FBXL17: variants seen among roughly 807,000 people sequenced by gnomAD.
The protein encoded by FBXL17 is F-box/LRR-repeat protein 17.
Under a neutral mutation model 66.2 loss-of-function variants are expected in FBXL17, and 22 were observed. The observed-to-expected ratio is 0.33, with a 90% CI of 0.24 to 0.47. The LOEUF is 0.47. Ranked by LOEUF, FBXL17 falls within the 20% of genes least tolerant of loss-of-function variation. The pLI is 1.00. For missense variants in FBXL17, 878 were observed against 948.2 expected, an observed-to-expected ratio of 0.93 and a Z score of 0.97; for synonymous variants, 474 against 400.5, an observed-to-expected ratio of 1.18 and a Z score of -2.19.
At chr5:107,890,422 G>C (rs747481346) in intron 7 of FBXL17, among the ~76,000 whole-genome samples, 1 of 152,018 alleles carries the variant, frequency 6.6e-6, no homozygotes, top group African/African-American at 2.4e-5. Flanking sequence ...TGTACTTTGG[G>C]GGGTCAAGGC....
chr5:107,992,146 G>A (rs1753277531), intron 7 of FBXL17, among the ~76,000 whole-genome samples: 1 of 151,648 alleles, frequency 6.6e-6, no homozygotes, highest in African/African-American at 2.4e-5. Context: ...CTATACAATT[G>A]GGGCAGGTAG....
chr5:108,022,920 C>T (rs539953516), intron 6 of FBXL17, among the ~76,000 whole-genome samples: 18 of 152,108 alleles, frequency 1.2e-4, no homozygotes, highest in African/African-American at 3.9e-4. Context: ...ATCAGGTTTC[C>T]CCGCTATTCA....
intron 7 of FBXL17, among the ~76,000 whole-genome samples, chr5:107,977,646 A>C (rs970613998): frequency 6.6e-6 from 1 of 152,142 alleles, no homozygotes; most frequent in Non-Finnish European, 1.5e-5. Context: ...AAATCTATGG[A>C]CTTTCAATGG....
At position 108,257,714 on chromosome 5, in the gene FBXL17, A is replaced by G. The variant is rs1756633670; in HGVS notation, c.1507-33486T>C. ...AGAAACCAGGAATTCTCATGCCAAAATATGTGCCCAGGTGGACTCAGTCAC... is the reference window on the plus strand; with the variant it reads ...AGAAACCAGGAATTCTCATGCCAAAGTATGTGCCCAGGTGGACTCAGTCAC... On this transcript the variant is annotated intron_variant, in intron 4 of 8. Transcript: ENST00000542267. Among the ~76,000 whole-genome samples the G allele has an allele frequency of 3.9e-5, 6 of 152,202 alleles. No homozygotes were observed. The South Asian group carries it at 1.2e-3, about 32-fold the overall frequency.
intron 6 of FBXL17, among the ~76,000 whole-genome samples, chr5:108,093,794 T>A (rs1255549695): frequency 6.6e-6 from 1 of 152,166 alleles, no homozygotes; most frequent in Non-Finnish European, 1.5e-5. Flanking sequence ...GGGGTGTCTA[T>A]GTTTTATTCT....
chr5:108,065,964 G>C (rs539596206), intron 6 of FBXL17, among the ~76,000 whole-genome samples: 4 of 152,174 alleles, frequency 2.6e-5, no homozygotes, highest in Non-Finnish European at 5.9e-5. Context: ...AATGGTACAT[G>C]AGTACCTGGG....
intron 6 of FBXL17, among the ~76,000 whole-genome samples, chr5:108,114,995 G>A (rs1169886555): frequency 1.3e-5 from 2 of 152,128 alleles, no homozygotes; most frequent in Non-Finnish European, 2.9e-5. Context: ...AAAATGGTGT[G>A]CACTCTTTTA....
intron 1 of FBXL17, among the ~76,000 whole-genome samples, chr5:108,376,525 CTTTA>C (rs962920173): frequency 6.6e-6 from 1 of 152,108 alleles, no homozygotes; most frequent in Non-Finnish European, 1.5e-5. Context: ...GCTCTCATTT[CTTTA>C]TTGAGATTTC....
At chr5:108,338,737 TCAACAA>T (rs34814063) in intron 4 of FBXL17, among the ~76,000 whole-genome samples, 8 of 151,588 alleles carry the variant, frequency 5.3e-5, no homozygotes. Context: ...GATGATATAG[TCAACAA>T]CAACAACAAC....
intron 6 of FBXL17, among the ~76,000 whole-genome samples, chr5:108,082,053 A>G (rs1748792839): frequency 6.6e-6 from 1 of 152,196 alleles, no homozygotes; most frequent in South Asian, 2.1e-4. Flanking sequence ...TTGAGAAAAC[A>G]TGGAACCAAG....
chr5:108,094,450 T>C lies in FBXL17; in HGVS notation c.1746-73449A>G, dbSNP rs191340836. 5.2e-4 allele frequency among the ~76,000 whole-genome samples: 79 copies of C among 152,242 alleles called. 2 individuals are homozygous for C. The Middle Eastern group carries it at 0.014, about 26-fold the overall frequency. ...TTGAACACCATGTAACCATTTTGCA[T>C]TATTTGGAGAAGAAATCCAGAAAAC... On this transcript the variant is annotated intron_variant, in intron 6 of 8. Coordinates refer to ENST00000542267, the MANE Select transcript of FBXL17 (RefSeq NM_001163315.3).
At chr5:107,948,812 C>T (rs1218658530) in intron 7 of FBXL17, among the ~76,000 whole-genome samples, 2 of 152,180 alleles carry the variant, frequency 1.3e-5, no homozygotes, top group East Asian at 1.9e-4. Flanking sequence ...AGAAGCAGAT[C>T]TTGCCTATAA....
At chr5:108,044,456 T>G (rs905559517) in intron 6 of FBXL17, among the ~76,000 whole-genome samples, 1 of 152,206 alleles carries the variant, frequency 6.6e-6, no homozygotes, top group African/African-American at 2.4e-5. Flanking sequence ...ATCTTTTGAT[T>G]TTTGAATACC....
chr5:108,318,027 T>G (rs1321236862), intron 4 of FBXL17, among the ~76,000 whole-genome samples: 1 of 151,484 alleles, frequency 6.6e-6, no homozygotes, highest in South Asian at 2.1e-4. Flanking sequence ...ACAAAAATAT[T>G]CCAATGCCTG....
chr5:108,006,846 T>G (rs1753945020), intron 7 of FBXL17, among the ~76,000 whole-genome samples: 1 of 152,216 alleles, frequency 6.6e-6, no homozygotes, highest in African/African-American at 2.4e-5. Flanking sequence ...GATTTGCAAC[T>G]ATATGGTGGT....
chr5:108,086,640 C>A (rs1748982160), intron 6 of FBXL17, among the ~76,000 whole-genome samples: 1 of 152,160 alleles, frequency 6.6e-6, no homozygotes, highest in Admixed American at 6.5e-5. Context: ...ATCACTGCGA[C>A]CTCCGCCTCC....
intron 4 of FBXL17, among the ~76,000 whole-genome samples, chr5:108,335,437 T>C (rs1760334584): frequency 6.6e-6 from 1 of 151,800 alleles, no homozygotes; most frequent in South Asian, 2.1e-4. Flanking sequence ...TTAATGTAAA[T>C]ATAGCATTAT....
At chr5:108,210,700 T>C (rs1035116875) in intron 5 of FBXL17, among the ~76,000 whole-genome samples, 1 of 152,230 alleles carries the variant, frequency 6.6e-6, no homozygotes, top group South Asian at 2.1e-4. Context: ...TTCTGCTCTT[T>C]TGCATTTGCT....
At chr5:108,152,680 GA>G (rs1372964017) in intron 6 of FBXL17, among the ~76,000 whole-genome samples, 1 of 151,982 alleles carries the variant, frequency 6.6e-6, no homozygotes, top group Non-Finnish European at 1.5e-5. Flanking sequence ...ACCATAGAGA[GA>G]AAAAAATATC....
Sources: allele counts gnomAD v4.1 joint callset (sites outside exome capture counted in the v4.1 genomes callset), GRCh38; gene constraint gnomAD v4.1.1; transcripts MANE v1.5; gene names NCBI Gene and HGNC (gene_info 2026-07-23, HGNC 2026-07-21).